Variants in GLDC observed in about 807,000 individuals in gnomAD.
GLDC encodes glycine dehydrogenase (decarboxylating), mitochondrial.
GLDC carries 104 observed loss-of-function variants against 121.3 expected under a neutral mutation model. The ratio of observed to expected loss-of-function variants is 0.86; its 90% confidence interval spans 0.73 to 1.01. GLDC has a LOEUF of 1.01. Among genes scored for constraint, GLDC ranks in the 50% least tolerant of loss-of-function variants. The pLI is 0.00. For missense variants in GLDC, 1,429 were observed against 1,306.6 expected (o/e 1.09, Z -1.44); for synonymous variants, 546 against 480.6 (o/e 1.14, Z -1.78).
intron 2 of GLDC, among the ~76,000 whole-genome samples, chr9:6,625,310 A>G (rs1399371557): frequency 6.6e-6 from 1 of 152,186 alleles, no homozygotes; most frequent in Non-Finnish European, 1.5e-5. Flanking sequence ...AAGGGAAGCA[A>G]TATGGCCTTG....
chr9:6,639,411 G>A (rs1819580049), intron 2 of GLDC: 3 of 925,732 alleles, frequency 3.2e-6, no homozygotes, highest in Non-Finnish European at 3.5e-6. Context: ...GAAGAAGATG[G>A]AAGACAACAA....
intron 16 of GLDC, 117 bp from the exon 17 acceptor site, chr9:6,558,801 G>C (rs1028013646): frequency 5.7e-6 from 6 of 1,047,284 alleles, no homozygotes; most frequent in African/African-American, 1.6e-5. Flanking sequence ...TTTTTATTTA[G>C]GCTGAACACT....
intron 8 of GLDC, among the ~76,000 whole-genome samples, chr9:6,596,615 C>T (rs761137154): frequency 2.6e-5 from 4 of 152,092 alleles, no homozygotes; most frequent in Non-Finnish European, 4.4e-5. Flanking sequence ...AATTAAGGTA[C>T]TTAAAAGCCT....
At chr9:6,589,012 C>G (rs1818323645) in intron 12 of GLDC, among the ~76,000 whole-genome samples, 183 bp downstream of exon 12, 1 of 152,138 alleles carries the variant, frequency 6.6e-6, no homozygotes, top group Admixed American at 6.5e-5. Context: ...GCAGAGCCAC[C>G]AGGAAACAAA....
chr9:6,605,501 C>G, intron 5 of GLDC: 1 of 592,308 alleles, frequency 1.7e-6, no homozygotes, highest in Non-Finnish European at 3.1e-6. Flanking sequence ...TATCCTCTGA[C>G]TCCCCTTTGC....
intron 1 of GLDC, 37 bp from the exon 2 acceptor site, chr9:6,644,729 G>C (rs766938473): frequency 7.4e-7 from 1 of 1,355,172 alleles, no homozygotes; most frequent in South Asian, 1.2e-5. Context: ...AAGTGCCTCT[G>C]AGTTAAAAGA....
intron 15 of GLDC, 193 bp from the exon 16 acceptor site, chr9:6,565,622 A>G: frequency 1.5e-6 from 1 of 667,042 alleles, no homozygotes; most frequent in East Asian, 2.7e-5. Flanking sequence ...TCAAAGCAAC[A>G]GCATCCAGTT....
intron 4 of GLDC, among the ~76,000 whole-genome samples, 165 bp downstream of exon 4, chr9:6,610,027 T>C (rs921604484): frequency 6.6e-6 from 1 of 152,118 alleles, no homozygotes; most frequent in African/African-American, 2.4e-5. Flanking sequence ...TGAGAGGAAA[T>C]ATCCAACCTC....
intron 2 of GLDC, among the ~76,000 whole-genome samples, chr9:6,641,369 AT>A (rs1342205551): frequency 6.6e-6 from 1 of 152,234 alleles, no homozygotes; most frequent in Admixed American, 6.5e-5. Context: ...CAGTTGGCAT[AT>A]GGCAGGGTGA....
rs771927272 is a variant in GLDC at position 6,553,358 on chromosome 9, C to T, written c.2457+10G>A. 3 of 1,613,864 alleles carry T rather than the reference C, an allele frequency of 1.9e-6. No individual in the cohort carries two copies. Among genetic ancestry groups the T allele is most frequent in the Non-Finnish European group, 2.5e-6 (3 of 1,179,868 alleles). On this transcript the variant is annotated intron_variant, in intron 20 of 24. Transcript: ENST00000321612. ...CCACCTGCACACCTGCACATACTCC[C>T]AGGCCTCACCTTGATATAAGCCCAG... is the stretch of plus-strand genomic sequence containing the variant.
At position 6,645,428 on chromosome 9, in the gene GLDC, C is replaced by T. The variant is rs1161994258; in HGVS notation, c.72G>A (p.Gly24=). ...GCGGCGCCCAGCACGGCCCCGATCC[C>T]CCAGCCAGGCGGCGGCCGCCCCCGA... ...RGVGGGRRLA[G]GSGPCWAPRS... is the part of the protein sequence containing the mutation. Residue 24 remains glycine, a synonymous_variant, in exon 1 of 25, where the codon GGG becomes GGA. Transcript: ENST00000321612. 1 of 1,301,682 alleles carries T rather than the reference C, an allele frequency of 7.7e-7. No homozygotes were observed. The highest frequency in any genetic ancestry group is 9.7e-7 in the Non-Finnish European group (1 of 1,032,232). 80.6% of individuals were successfully genotyped at this position (1,301,682 alleles called of 1,614,324 possible).
At chr9:6,573,709 G>A (rs1311926054) in intron 15 of GLDC, among the ~76,000 whole-genome samples, 1 of 152,150 alleles carries the variant, frequency 6.6e-6, no homozygotes, top group Admixed American at 6.5e-5. Flanking sequence ...AACGATGCAA[G>A]TGAAACATCA....
chr9:6,637,833 T>G (rs895213147), intron 2 of GLDC, among the ~76,000 whole-genome samples: 2 of 151,976 alleles, frequency 1.3e-5, no homozygotes, highest in Non-Finnish European at 2.9e-5. Flanking sequence ...ATAATTTATT[T>G]TAGGACTCAA....
intron 16 of GLDC, among the ~76,000 whole-genome samples, chr9:6,560,258 A>G (rs902284417): frequency 1.3e-5 from 2 of 152,220 alleles, no homozygotes; most frequent in Non-Finnish European, 2.9e-5. Flanking sequence ...GCATTATTGA[A>G]AATAGGCTAT....
chr9:6,566,018 G>C (rs766533537), intron 15 of GLDC, among the ~76,000 whole-genome samples: 1 of 152,214 alleles, frequency 6.6e-6, no homozygotes, highest in South Asian at 2.1e-4. Flanking sequence ...GATGTGGGCA[G>C]AGCATTCGAG....
chr9:6,644,057 A>AAAAAAGAAAAG (rs1819686938), intron 2 of GLDC, among the ~76,000 whole-genome samples: 1 of 147,228 alleles, frequency 6.8e-6, no homozygotes, highest in Non-Finnish European at 1.5e-5. Flanking sequence ...AAAACGAAAA[A>AAAAAAGAAAAG]AAAAAGAAAA....
chr9:6,601,002 G>A (rs1191985907), intron 8 of GLDC, among the ~76,000 whole-genome samples: 3 of 152,024 alleles, frequency 2.0e-5, no homozygotes, highest in African/African-American at 4.8e-5. Context: ...GTGAAACCCC[G>A]TCTCTACTAA....
chr9:6,574,864 G>A (rs1160716473), intron 15 of GLDC, among the ~76,000 whole-genome samples: 1 of 152,160 alleles, frequency 6.6e-6, no homozygotes, highest in African/African-American at 2.4e-5. Context: ...CTCAGGAAGG[G>A]AGGGGAGGGA....
At chr9:6,557,401 C>T (rs993867557) in intron 17 of GLDC, among the ~76,000 whole-genome samples, 2 of 152,220 alleles carry the variant, frequency 1.3e-5, no homozygotes, top group South Asian at 2.1e-4. Flanking sequence ...CGAGACTATC[C>T]TGGCCAATAC....
Sources: gnomAD v4.1 joint callset for allele counts (sites outside exome capture counted in the v4.1 genomes callset) on GRCh38, gnomAD v4.1.1 for gene constraint, MANE v1.5 for transcripts, NCBI Gene and HGNC (gene_info 2026-07-23, HGNC 2026-07-21) for gene names.